Variants in FSTL5 observed in about 807,000 individuals in gnomAD.
FSTL5 encodes follistatin like 5, also known as follistatin-related protein 5.
A neutral mutation model predicts 89.1 loss-of-function variants in FSTL5; 62 were observed. The observed-to-expected ratio is 0.70, with a 90% CI of 0.57 to 0.86. The LOEUF is 0.86. Among genes scored for constraint, FSTL5 ranks in the 40% least tolerant of loss-of-function variants. The probability of loss-of-function intolerance (pLI) is 0.00; values close to 1 mark genes in which losing one functional copy is unlikely to be tolerated. For missense variants in FSTL5, 1,057 were observed against 1,001.6 expected, an observed-to-expected ratio of 1.06 and a Z score of -0.75; for synonymous variants, 383 against 346.2, an observed-to-expected ratio of 1.11 and a Z score of -1.18.
At chr4:161,686,336 ATATATATATATTTTTTTTTT>A (rs1737737215) in intron 6 of FSTL5, among the ~76,000 whole-genome samples, 1 of 7,848 alleles carries the variant, frequency 1.3e-4, no homozygotes, top group Non-Finnish European at 2.3e-4. Flanking sequence ...ATATATATAT[ATATATATATATTTTTTTTTT>A]TTTTTTTTTT....
chr4:161,766,193 T>G (rs1414860339), intron 5 of FSTL5, among the ~76,000 whole-genome samples: 2 of 152,170 alleles, frequency 1.3e-5, no homozygotes, highest in Admixed American at 6.5e-5. Flanking sequence ...TTATCTAAAT[T>G]CAGAATCACA....
At chr4:161,554,719 A>G (rs771973290) in intron 8 of FSTL5, among the ~76,000 whole-genome samples, 9 of 151,694 alleles carry the variant, frequency 5.9e-5, no homozygotes, top group Non-Finnish European at 1.0e-4. Context: ...CTCTTCCACA[A>G]ATTATTCACA....
chr4:161,965,188 A>G (rs947495894), intron 3 of FSTL5, among the ~76,000 whole-genome samples: 1 of 152,082 alleles, frequency 6.6e-6, no homozygotes, highest in African/African-American at 2.4e-5. Context: ...CTTCCTTTCA[A>G]TATCCATGAC....
intron 6 of FSTL5, among the ~76,000 whole-genome samples, chr4:161,734,382 G>C (rs1030487969): frequency 2.6e-5 from 4 of 152,172 alleles, no homozygotes; most frequent in African/African-American, 9.6e-5. Flanking sequence ...TAGTATCAAA[G>C]TAAAGGATGT....
intron 15 of FSTL5, among the ~76,000 whole-genome samples, chr4:161,402,203 G>C (rs567436744): frequency 2.0e-4 from 30 of 152,194 alleles, no homozygotes; most frequent in African/African-American, 7.0e-4. Flanking sequence ...TGCATCATTT[G>C]CAACAAATGC....
intron 7 of FSTL5, among the ~76,000 whole-genome samples, chr4:161,609,954 C>A (rs1734580891): frequency 6.6e-6 from 1 of 152,064 alleles, no homozygotes; most frequent in Non-Finnish European, 1.5e-5. Context: ...ATGAGGGACT[C>A]AGGGAAATTT....
At chr4:161,792,976 C>T (rs1301251087) in intron 4 of FSTL5, among the ~76,000 whole-genome samples, 2 of 152,206 alleles carry the variant, frequency 1.3e-5, no homozygotes, top group Non-Finnish European at 2.9e-5. Context: ...CCTAGGGGCT[C>T]CCCAAGCCAG....
intron 6 of FSTL5, among the ~76,000 whole-genome samples, chr4:161,738,439 G>A (rs1216926021): frequency 1.3e-5 from 2 of 151,946 alleles, no homozygotes; most frequent in Admixed American, 6.6e-5. Context: ...GTCAAGAATG[G>A]TTATAGAGAA....
At chr4:161,451,514 C>T (rs1056677645) in intron 15 of FSTL5, among the ~76,000 whole-genome samples, 4 of 152,126 alleles carry the variant, frequency 2.6e-5, no homozygotes, top group Admixed American at 6.5e-5. Flanking sequence ...GTAGAGATTA[C>T]GAAGTCTGGA....
intron 15 of FSTL5, among the ~76,000 whole-genome samples, chr4:161,409,829 T>A (rs1731526605): frequency 1.3e-5 from 2 of 152,222 alleles, no homozygotes; most frequent in South Asian, 4.1e-4. Flanking sequence ...CATCTATATA[T>A]TAAATAACAA....
intron 3 of FSTL5, among the ~76,000 whole-genome samples, chr4:162,008,409 C>CTTT (rs1736671046): frequency 6.6e-6 from 1 of 151,822 alleles, no homozygotes; most frequent in Non-Finnish European, 1.5e-5. Context: ...CTTCAGATTG[C>CTTT]TTAGGCCCAT....
Position 161,486,829 on chromosome 4 carries a change from A to C in FSTL5, c.1459-5660T>G, listed in dbSNP as rs116127709. Among the ~76,000 whole-genome samples the C allele has an allele frequency of 4.1e-3, 624 of 152,306 alleles. 3 individuals are homozygous for C. The highest frequency in any genetic ancestry group is 0.014 in the African/African-American group (595 of 41,576). ...AAAATAATTAATACATTTTGGTATGAATTTTAATTAATTAATTACAAATGT... is the reference window on the plus strand; with the variant it reads ...AAAATAATTAATACATTTTGGTATGCATTTTAATTAATTAATTACAAATGT... On this transcript the variant is annotated intron_variant, in intron 12 of 15. Coordinates refer to ENST00000306100, the MANE Select transcript of FSTL5 (RefSeq NM_020116.5).
At chr4:161,488,528 C>A (rs1729756477) in intron 12 of FSTL5, among the ~76,000 whole-genome samples, 1 of 151,964 alleles carries the variant, frequency 6.6e-6, no homozygotes, top group African/African-American at 2.4e-5. Flanking sequence ...AAAAAACAGG[C>A]TTTGAGGACA....
chr4:161,472,887 G>C (rs1733998510), intron 13 of FSTL5, among the ~76,000 whole-genome samples: 1 of 151,944 alleles, frequency 6.6e-6, no homozygotes. Flanking sequence ...ACCATGGCTG[G>C]CTAATTTTTG....
chr4:161,860,105 A>AAG (rs1175631096), intron 4 of FSTL5, among the ~76,000 whole-genome samples: 1 of 151,428 alleles, frequency 6.6e-6, no homozygotes, highest in Non-Finnish European at 1.5e-5. Flanking sequence ...TGGCTAGCGC[A>AAG]GTGAAACCCC....
chr4:162,097,645 C>T (rs927766919), intron 2 of FSTL5, among the ~76,000 whole-genome samples: 2 of 151,552 alleles, frequency 1.3e-5, no homozygotes, highest in South Asian at 2.1e-4. Flanking sequence ...AAGCAATTTA[C>T]AACAATGGCA....
intron 7 of FSTL5, among the ~76,000 whole-genome samples, chr4:161,604,610 T>C (rs1734371686): frequency 6.6e-6 from 1 of 152,080 alleles, no homozygotes; most frequent in Non-Finnish European, 1.5e-5. Flanking sequence ...ACTCACCGGG[T>C]AGTAGAGAAA....
chr4:162,062,242 C>T (rs915156070), intron 2 of FSTL5, among the ~76,000 whole-genome samples: 2 of 151,834 alleles, frequency 1.3e-5, no homozygotes, highest in Non-Finnish European at 2.9e-5. Context: ...TATGAGTTTA[C>T]TCTTTTTCGT....
intron 13 of FSTL5, among the ~76,000 whole-genome samples, chr4:161,469,062 AAAC>A (rs1274734509): frequency 6.6e-6 from 1 of 152,182 alleles, no homozygotes; most frequent in African/African-American, 2.4e-5. Context: ...TATAGTCATT[AAAC>A]AACAATTCCT....
Sources: gnomAD v4.1 joint callset for allele counts (sites outside exome capture counted in the v4.1 genomes callset) on GRCh38, gnomAD v4.1.1 for gene constraint, MANE v1.5 for transcripts, NCBI Gene and HGNC (gene_info 2026-07-23, HGNC 2026-07-21) for gene names.